ROBO2: variants seen among roughly 807,000 people sequenced by gnomAD.
ROBO2 encodes the protein roundabout homolog 2.
ROBO2 carries 53 observed loss-of-function variants against 160.8 expected under a neutral mutation model. The observed-to-expected ratio is 0.33, with a 90% CI of 0.26 to 0.41. The LOEUF (loss-of-function observed/expected upper bound fraction) is 0.41. ROBO2 is among the 10% of genes least tolerant of loss of function. The pLI, the probability that ROBO2 is intolerant of heterozygous loss-of-function variation, is 1.00. For missense variants in ROBO2, 1,577 were observed against 1,722.4 expected (o/e 0.92, Z 1.49); for synonymous variants, 664 against 611.7 (o/e 1.09, Z -1.26).
intron 2 of ROBO2, among the ~76,000 whole-genome samples, chr3:76,520,151 G>A (rs1454430088): frequency 1.3e-5 from 2 of 151,898 alleles, no homozygotes; most frequent in Non-Finnish European, 2.9e-5. Flanking sequence ...GGTCCTCATC[G>A]CATCAGAAGG....
chr3:77,560,127 G>A (rs2093273216), intron 9 of ROBO2, among the ~76,000 whole-genome samples: 1 of 152,036 alleles, frequency 6.6e-6, no homozygotes, highest in Non-Finnish European at 1.5e-5. Flanking sequence ...TTTGAAAGAA[G>A]CAATTAAAGG....
intron 2 of ROBO2, among the ~76,000 whole-genome samples, chr3:76,407,240 T>TA: frequency 6.6e-6 from 1 of 152,082 alleles, no homozygotes; most frequent in South Asian, 2.1e-4. Context: ...TCACCTGATC[T>TA]AAAGTAGTCT....
At chr3:76,309,566 C>G (rs1440599932) in intron 2 of ROBO2, among the ~76,000 whole-genome samples, 1 of 152,112 alleles carries the variant, frequency 6.6e-6, no homozygotes, top group East Asian at 1.9e-4. Context: ...AAAGGTACCT[C>G]TTCCAAGAAT....
chr3:77,450,048 A>C (rs1325243986), intron 2 of ROBO2, among the ~76,000 whole-genome samples: 1 of 152,250 alleles, frequency 6.6e-6, no homozygotes, highest in Admixed American at 6.5e-5. Flanking sequence ...AAAAATTTGT[A>C]AAGTAATAAC....
At chr3:77,161,516 A>G (rs1250786487) in intron 2 of ROBO2, among the ~76,000 whole-genome samples, 2 of 152,226 alleles carry the variant, frequency 1.3e-5, no homozygotes, top group Non-Finnish European at 2.9e-5. Flanking sequence ...GTAGTGTGTC[A>G]CTTTTAAATA....
intron 2 of ROBO2, among the ~76,000 whole-genome samples, chr3:77,476,831 G>A (rs1218596971): frequency 6.6e-6 from 1 of 152,186 alleles, no homozygotes; most frequent in African/African-American, 2.4e-5. Context: ...CTCGGCAGGT[G>A]GAGTTGCAGA....
intron 4 of ROBO2, among the ~76,000 whole-genome samples, chr3:77,484,735 C>T (rs1157751757): frequency 2.0e-5 from 3 of 151,856 alleles, no homozygotes; most frequent in Admixed American, 1.3e-4. Flanking sequence ...ACTTTTCCTT[C>T]TTTTTCTCTT....
chr3:76,513,456 A>G (rs1016729893), intron 2 of ROBO2, among the ~76,000 whole-genome samples: 5 of 152,120 alleles, frequency 3.3e-5, no homozygotes, highest in Admixed American at 1.3e-4. Context: ...TCCTGGGTTC[A>G]AGCGATTCTC....
intron 2 of ROBO2, among the ~76,000 whole-genome samples, chr3:76,219,341 A>G (rs1001412233): frequency 6.6e-6 from 1 of 152,208 alleles, no homozygotes; most frequent in South Asian, 2.1e-4. Flanking sequence ...TAATTAAACT[A>G]AAGAGCTTGT....
chr3:77,376,742 C>T lies in ROBO2; in HGVS notation c.389-100672C>T, dbSNP rs143238036. On this transcript the variant is annotated intron_variant, in intron 2 of 25. Coordinates refer to ENST00000461745, the Ensembl canonical transcript of ROBO2. Reference sequence around the variant, plus strand: ...TTTACCCCTGCATCCTCCATTAGACCGCAAGTCCATTGACAGTATGTACTC... The same window carrying T: ...TTTACCCCTGCATCCTCCATTAGACTGCAAGTCCATTGACAGTATGTACTC... 3.5e-4 allele frequency among the ~76,000 whole-genome samples: 53 copies of T among 152,218 alleles called. 1 individual carries two copies. Among genetic ancestry groups the T allele is most frequent in the African/African-American group, 1.2e-3 (48 of 41,534 alleles).
At chr3:77,009,945 T>C (rs868470243) in intron 2 of ROBO2, among the ~76,000 whole-genome samples, 1 of 104,486 alleles carries the variant, frequency 9.6e-6, no homozygotes, top group African/African-American at 3.7e-5. Flanking sequence ...GACTCTGTCT[T>C]AAAAAAAAAA....
intron 2 of ROBO2, among the ~76,000 whole-genome samples, chr3:76,704,442 C>T (rs560126359): frequency 2.0e-5 from 3 of 152,036 alleles, no homozygotes; most frequent in Non-Finnish European, 2.9e-5. Flanking sequence ...GAGGACAAGG[C>T]GTCAACATAA....
chr3:76,192,550 A>G, intron 2 of ROBO2, among the ~76,000 whole-genome samples: 1 of 150,858 alleles, frequency 6.6e-6, no homozygotes, highest in Non-Finnish European at 1.5e-5. Context: ...ACACACACAC[A>G]CACACACACA....
chr3:76,361,583 TTAA>T (rs1419497490), intron 2 of ROBO2, among the ~76,000 whole-genome samples: 1 of 152,010 alleles, frequency 6.6e-6, no homozygotes, highest in African/African-American at 2.4e-5. Context: ...ACAACAAAAA[TTAA>T]TAATTACTCA....
intron 2 of ROBO2, among the ~76,000 whole-genome samples, chr3:76,639,204 A>C (rs1560283940): frequency 6.6e-6 from 1 of 152,110 alleles, no homozygotes; most frequent in East Asian, 1.9e-4. Context: ...ATGTATCTAT[A>C]AGCATGTATA....
chr3:77,599,000 C>T (rs2094373416), intron 19 of ROBO2, among the ~76,000 whole-genome samples: 1 of 152,072 alleles, frequency 6.6e-6, no homozygotes, highest in South Asian at 2.1e-4. Context: ...TCTAAAATAT[C>T]TCAGTCAAAT....
intron 2 of ROBO2, among the ~76,000 whole-genome samples, chr3:76,021,536 A>G (rs2066574389): frequency 6.6e-6 from 1 of 151,790 alleles, no homozygotes; most frequent in South Asian, 2.1e-4. Flanking sequence ...TACCTTGGAG[A>G]TATTGCAGAT....
chr3:76,334,736 CA>C (rs1435827176), intron 2 of ROBO2, among the ~76,000 whole-genome samples: 1 of 152,130 alleles, frequency 6.6e-6, no homozygotes, highest in Non-Finnish European at 1.5e-5. Flanking sequence ...TTGAACTAAA[CA>C]GAATGTGTTA....
At chr3:76,973,917 G>T (rs1473790169) in intron 2 of ROBO2, among the ~76,000 whole-genome samples, 3 of 152,134 alleles carry the variant, frequency 2.0e-5, no homozygotes, top group Non-Finnish European at 2.9e-5. Flanking sequence ...CACAGGTGGG[G>T]ATGGGTGATA....
Sources: gnomAD v4.1 joint callset for allele counts (sites outside exome capture counted in the v4.1 genomes callset) on GRCh38, gnomAD v4.1.1 for gene constraint, MANE v1.5 for transcripts, NCBI Gene and HGNC (gene_info 2026-07-23, HGNC 2026-07-21) for gene names.